The following CACNA1D variants were observed in gnomAD, a reference collection of about 807,000 sequenced individuals.
CACNA1D encodes voltage-dependent L-type calcium channel subunit alpha-1D.
Under a neutral mutation model 257.1 loss-of-function variants are expected in CACNA1D, and 55 were observed. That is an observed-to-expected ratio of 0.21 (90% CI 0.17 to 0.27). The LOEUF (loss-of-function observed/expected upper bound fraction) is 0.27. Ranked by LOEUF, CACNA1D falls within the 10% of genes least tolerant of loss-of-function variation. The pLI is 1.00. For synonymous variants in CACNA1D, 980 were observed against 1,014.9 expected (o/e 0.97, Z 0.65); for missense variants, 1,876 against 2,784.0 (o/e 0.67, Z 7.34).
chr3:53,740,448 T>C, intron 21 of CACNA1D, 109 bp downstream of exon 21: 1 of 795,044 alleles, frequency 1.3e-6, no homozygotes, highest in Non-Finnish European at 2.2e-6. Flanking sequence ...ATGTCTTCAC[T>C]GGTACTTTTG....
chr3:53,497,791 G>A (rs576279345), intron 2 of CACNA1D, among the ~76,000 whole-genome samples: 1 of 152,154 alleles, frequency 6.6e-6, no homozygotes, highest in Non-Finnish European at 1.5e-5. Context: ...TTTAAATTCA[G>A]TGTTGTCTTT....
chr3:53,549,794 C>T (rs114704287), intron 3 of CACNA1D, among the ~76,000 whole-genome samples: 6 of 152,184 alleles, frequency 3.9e-5, no homozygotes, highest in East Asian at 3.9e-4. Flanking sequence ...GTGTGCAGAT[C>T]GTTTCAGATC....
chr3:53,550,578 G>A (rs2092511702), intron 3 of CACNA1D, among the ~76,000 whole-genome samples: 1 of 152,206 alleles, frequency 6.6e-6, no homozygotes, highest in South Asian at 2.1e-4. Context: ...CCGTGGGTGT[G>A]CAACATGGTT....
intron 3 of CACNA1D, among the ~76,000 whole-genome samples, chr3:53,586,203 A>G (rs1246698487): frequency 2.0e-5 from 3 of 151,820 alleles, no homozygotes; most frequent in Non-Finnish European, 4.4e-5. Flanking sequence ...AACCCATGGC[A>G]AGGGCACTAG....
chr3:53,809,591 T>C (rs2095585466), intron 46 of CACNA1D: 1 of 304,886 alleles, frequency 3.3e-6, no homozygotes, highest in Non-Finnish European at 6.3e-6. Flanking sequence ...TGTTTTCCTA[T>C]AAGTGCTGGG....
At chr3:53,778,873 A>G (rs1187171109) in intron 37 of CACNA1D, among the ~76,000 whole-genome samples, 1 of 152,252 alleles carries the variant, frequency 6.6e-6, no homozygotes, top group Non-Finnish European at 1.5e-5. Flanking sequence ...ATGATGGTCT[A>G]ACTAGGCAAG....
chr3:53,668,279 A>G (rs2094289025), intron 7 of CACNA1D, among the ~76,000 whole-genome samples: 1 of 152,140 alleles, frequency 6.6e-6, no homozygotes, highest in African/African-American at 2.4e-5. Flanking sequence ...ATTCCTTCAC[A>G]TCGATTCTCA....
At chr3:53,534,166 C>T (rs1156902569) in intron 3 of CACNA1D, among the ~76,000 whole-genome samples, 1 of 152,158 alleles carries the variant, frequency 6.6e-6, no homozygotes, top group African/African-American at 2.4e-5. Context: ...TGTCTGGGGC[C>T]CTCAGCCCTT....
At chr3:53,799,244 T>A (rs2095523606) in intron 40 of CACNA1D, among the ~76,000 whole-genome samples, 1 of 152,186 alleles carries the variant, frequency 6.6e-6, no homozygotes, top group African/African-American at 2.4e-5. Context: ...TCCCTATTAG[T>A]CTTTAACTCA....
At chr3:53,737,681 G>A (rs2095071845) in intron 20 of CACNA1D, among the ~76,000 whole-genome samples, 1 of 152,176 alleles carries the variant, frequency 6.6e-6, no homozygotes, top group African/African-American at 2.4e-5. Context: ...AAATTAGCTG[G>A]GTGTGGTGGT....
chr3:53,710,004 TC>T (rs2094733204), intron 9 of CACNA1D, among the ~76,000 whole-genome samples: 2 of 152,142 alleles, frequency 1.3e-5, no homozygotes, highest in South Asian at 4.1e-4. Context: ...CCTTTTGAAC[TC>T]CCACCTGTCC....
chr3:53,619,578 G>A (rs940698168), intron 3 of CACNA1D, among the ~76,000 whole-genome samples: 5 of 152,112 alleles, frequency 3.3e-5, no homozygotes, highest in Non-Finnish European at 7.4e-5. Flanking sequence ...TAGAGGACTG[G>A]GACTCAAGCC....
chr3:53,574,920 G>A lies in CACNA1D; in HGVS notation c.483+73200G>A, dbSNP rs1234847331. ...AACGTGACAGGCTCCTGCTCATCAC[G>A]TGAGTTGCCCTGGATTCCTCGATGA... is the stretch of plus-strand genomic sequence containing the variant. On this transcript the variant is annotated intron_variant, in intron 3 of 47. Coordinates refer to ENST00000350061, the MANE Select transcript of CACNA1D (RefSeq NM_001128840.3). Among the ~76,000 whole-genome samples, 5 of 152,358 alleles carry A rather than the reference G, an allele frequency of 3.3e-5. No homozygotes were observed. The East Asian group carries it at 9.6e-4, about 29-fold the overall frequency.
At chr3:53,810,548 G>A in intron 47 of CACNA1D, 1 of 531,756 alleles carries the variant, frequency 1.9e-6, no homozygotes, top group Non-Finnish European at 3.4e-6. Flanking sequence ...CCTGAGGTCA[G>A]CGGCTCAAAG....
At position 53,688,951 on chromosome 3, in the gene CACNA1D, G is replaced by A. The variant is rs118041003; in HGVS notation, c.1221-13690G>A. 8.7e-3 allele frequency among the ~76,000 whole-genome samples: 1,331 copies of A among 152,180 alleles called. 32 individuals carry two copies. Among genetic ancestry groups the A allele is most frequent in the East Asian group, 0.084 (434 of 5,172 alleles). On this transcript the variant is annotated intron_variant, in intron 8 of 47. Coordinates refer to ENST00000350061, the MANE Select transcript of CACNA1D (RefSeq NM_001128840.3). ...GAGGCCCACCTGTCCTTAAATCATG[G>A]ACTATTACTTACAAACAGGCCCACA...
At chr3:53,746,527 G>A (rs920948532) in intron 25 of CACNA1D, among the ~76,000 whole-genome samples, 2 of 152,124 alleles carry the variant, frequency 1.3e-5, no homozygotes, top group Admixed American at 1.3e-4. Flanking sequence ...CCCCACCCGC[G>A]AGAGACATAA....
chr3:53,598,540 G>T (rs2093400551), intron 3 of CACNA1D, among the ~76,000 whole-genome samples: 1 of 150,600 alleles, frequency 6.6e-6, no homozygotes, highest in Non-Finnish European at 1.5e-5. Context: ...AACTGAGATT[G>T]CACCACTGCA....
chr3:53,700,805 G>A (rs2094617343), intron 8 of CACNA1D, among the ~76,000 whole-genome samples: 1 of 152,018 alleles, frequency 6.6e-6, no homozygotes, highest in African/African-American at 2.4e-5. Context: ...TCTGGAAAGT[G>A]GGGTGATTTA....
At chr3:53,690,435 A>T (rs912709744) in intron 8 of CACNA1D, among the ~76,000 whole-genome samples, 3 of 152,220 alleles carry the variant, frequency 2.0e-5, no homozygotes, top group Non-Finnish European at 4.4e-5. Flanking sequence ...ATTTGAGCTC[A>T]GGTGGTCCTT....
Sources: gnomAD v4.1 joint callset for allele counts (sites outside exome capture counted in the v4.1 genomes callset) on GRCh38, gnomAD v4.1.1 for gene constraint, MANE v1.5 for transcripts, NCBI Gene and HGNC (gene_info 2026-07-23, HGNC 2026-07-21) for gene names.